STYXL1: variants seen among roughly 807,000 people sequenced by gnomAD.
STYXL1 encodes serine/threonine/tyrosine-interacting-like protein 1.
In STYXL1, 32 loss-of-function variants were observed where a neutral mutation model predicts 36.4. The observed-to-expected ratio is 0.88, with a 90% CI of 0.66 to 1.18. The LOEUF (loss-of-function observed/expected upper bound fraction) is 1.18. Ranked by LOEUF, STYXL1 falls within the 50% of genes most tolerant of loss-of-function variation. The probability of loss-of-function intolerance (pLI) is 0.00; values close to 1 mark genes in which losing one functional copy is unlikely to be tolerated. For synonymous variants in STYXL1, 133 were observed against 144.1 expected (o/e 0.92, Z 0.55); for missense variants, 354 against 394.1 (o/e 0.90, Z 0.86).
At chr7:76,044,605 C>T (rs1796771201) in intron 1 of STYXL1, 1 of 152,074 alleles carries the variant, frequency 6.6e-6, no homozygotes, top group Admixed American at 6.6e-5. Context: ...ATCTGTGATT[C>T]CAGTTTATTG....
intron 4 of STYXL1, among the ~76,000 whole-genome samples, chr7:76,017,890 A>C (rs1205683684): frequency 7.0e-6 from 1 of 142,994 alleles, no homozygotes; most frequent in Non-Finnish European, 1.5e-5. Context: ...AAGGCAAGAC[A>C]GAAGAAAAAA....
intron 1 of STYXL1, among the ~76,000 whole-genome samples, chr7:76,046,366 G>GA (rs1797080072): frequency 6.9e-6 from 1 of 145,578 alleles, no homozygotes; most frequent in African/African-American, 2.6e-5. Flanking sequence ...GCGCTTTTGA[G>GA]CCGGAGTTTA....
intron 4 of STYXL1, among the ~76,000 whole-genome samples, chr7:76,014,335 A>G (rs1324291887): frequency 6.6e-6 from 1 of 150,816 alleles, no homozygotes; most frequent in African/African-American, 2.4e-5. Context: ...TAAAATTTTA[A>G]AAGTAGCTTA....
intron 4 of STYXL1, among the ~76,000 whole-genome samples, chr7:76,018,155 C>T (rs527885519): frequency 6.6e-6 from 1 of 152,006 alleles, no homozygotes; most frequent in Non-Finnish European, 1.5e-5. Flanking sequence ...GTGTGAGCGA[C>T]AGTGCCCGGC....
rs929658553 is a variant in STYXL1, at chr7:76,038,706, G to A, written c.-4-8179C>T. Among the ~76,000 whole-genome samples the A allele has an allele frequency of 4.0e-5, 6 of 150,108 alleles. 1 individual carries two copies. Among genetic ancestry groups the A allele is most frequent in the South Asian group, 2.1e-4 (1 of 4,830 alleles). ...CTCCCAAAGTGCTGGGATTACAGGC[G>A]TGAGCCACCGTTGAATGACATTCTT... On this transcript the variant is annotated intron_variant, in intron 1 of 8. Coordinates refer to ENST00000359697, the MANE Select transcript of STYXL1 (RefSeq NM_001317785.2).
intron 8 of STYXL1, 84 bp downstream of exon 8, chr7:76,000,806 G>C: frequency 2.5e-6 from 3 of 1,214,736 alleles, no homozygotes; most frequent in Non-Finnish European, 3.6e-6. Flanking sequence ...AAGCAGTGCT[G>C]GGGCCCCACT....
chr7:76,006,187 T>C (rs1791743959), intron 5 of STYXL1, among the ~76,000 whole-genome samples: 1 of 152,114 alleles, frequency 6.6e-6, no homozygotes, highest in Non-Finnish European at 1.5e-5. Context: ...TTCTCCTACC[T>C]CAGCCTCCCA....
intron 5 of STYXL1, among the ~76,000 whole-genome samples, chr7:76,007,549 A>C (rs1462105053): frequency 6.6e-6 from 1 of 152,118 alleles, no homozygotes; most frequent in Non-Finnish European, 1.5e-5. Context: ...ACCTCCATGG[A>C]TACTGGACAA....
chr7:76,012,070 C>T (rs995212606), intron 5 of STYXL1, among the ~76,000 whole-genome samples: 18 of 152,224 alleles, frequency 1.2e-4, no homozygotes, highest in Non-Finnish European at 4.4e-5. Flanking sequence ...GAGGCTGAGG[C>T]AGGTGGATCA....
chr7:76,039,091 C>G (rs1205085142), intron 1 of STYXL1, among the ~76,000 whole-genome samples: 1 of 148,898 alleles, frequency 6.7e-6, no homozygotes, highest in Non-Finnish European at 1.5e-5. Flanking sequence ...GCATGTGCCA[C>G]CATTCCCAGC....
At chr7:76,031,146 G>C (rs1055355176) in intron 1 of STYXL1, among the ~76,000 whole-genome samples, 4 of 149,388 alleles carry the variant, frequency 2.7e-5, no homozygotes, top group African/African-American at 9.8e-5. Flanking sequence ...GGGTGACAGA[G>C]CGAGACTCTG....
rs551900214 is a variant in STYXL1, at chr7:76,018,339, CACTT to C, written c.307+3508_307+3511del. 3.2e-3 allele frequency among the ~76,000 whole-genome samples: 487 copies of C among 152,216 alleles called. 6 individuals are homozygous for C. Among genetic ancestry groups the C allele is most frequent in the African/African-American group, 0.011 (462 of 41,526 alleles). ...GTGATGTTTTGCATCTAACTTCTAT[CACTT>C]ACCATGATCTCTTTAGTGTTCATCT... On this transcript the variant is annotated intron_variant, in intron 4 of 8. Coordinates refer to ENST00000359697, the MANE Select transcript of STYXL1 (RefSeq NM_001317785.2).
chr7:76,020,126 G>T (rs1554575600), intron 4 of STYXL1, among the ~76,000 whole-genome samples: 1 of 152,084 alleles, frequency 6.6e-6, no homozygotes, highest in African/African-American at 2.4e-5. Context: ...GAATGTAAAG[G>T]GGATTATCCA....
chr7:76,016,216 AG>A (rs1306778531), intron 4 of STYXL1, among the ~76,000 whole-genome samples: 2 of 151,886 alleles, frequency 1.3e-5, no homozygotes, highest in Non-Finnish European at 2.9e-5. Context: ...GTACATGTAT[AG>A]GGATACATAT....
chr7:76,027,872 G>A (rs1173113250), intron 3 of STYXL1, among the ~76,000 whole-genome samples: 7 of 151,964 alleles, frequency 4.6e-5, no homozygotes, highest in Non-Finnish European at 8.8e-5. Context: ...GGGAGGCTAA[G>A]GCAGGAGGAT....
chr7:76,022,692 C>A (rs868975604), intron 3 of STYXL1, among the ~76,000 whole-genome samples: 7 of 151,096 alleles, frequency 4.6e-5, no homozygotes, highest in Middle Eastern at 3.2e-3. Context: ...ACAAAAAACA[C>A]CCCAAAAAAG....
chr7:76,010,030 A>T (rs1464264945), intron 5 of STYXL1, among the ~76,000 whole-genome samples: 1 of 152,190 alleles, frequency 6.6e-6, no homozygotes, highest in Admixed American at 6.5e-5. Flanking sequence ...GCAGTTCATC[A>T]TGTCAATTAC....
chr7:76,025,580 A>G (rs1314984506), intron 3 of STYXL1, among the ~76,000 whole-genome samples: 1 of 152,062 alleles, frequency 6.6e-6, no homozygotes, highest in Non-Finnish European at 1.5e-5. Context: ...ACCTGAGGTC[A>G]GGAGTTCAAG....
rs1794333635 is a variant in STYXL1 at position 76,023,602 on chromosome 7, A to C, written c.166-1610T>G. Among the ~76,000 whole-genome samples the C allele has an allele frequency of 2.0e-5, 3 of 152,104 alleles. No individual in the cohort carries two copies. The South Asian group carries it at 6.2e-4, about 32-fold the overall frequency. On this transcript the variant is annotated intron_variant, in intron 3 of 8. Coordinates refer to ENST00000359697, the MANE Select transcript of STYXL1 (RefSeq NM_001317785.2). The stretch of plus-strand genomic sequence containing the variant: ...AAAAGCCGGGTGTGGGAGGGTGCAC[A>C]TGTAGTCCCAGCTACTCGGGAGTCT...
Sources: gnomAD v4.1 joint callset for allele counts (sites outside exome capture counted in the v4.1 genomes callset) on GRCh38, gnomAD v4.1.1 for gene constraint, MANE v1.5 for transcripts, NCBI Gene and HGNC (gene_info 2026-07-23, HGNC 2026-07-21) for gene names.